ZNF385C: variants seen among roughly 807,000 people sequenced by gnomAD.
ZNF385C encodes CTD-2132N18.2.
ZNF385C carries 28 observed loss-of-function variants against 35.4 expected under a neutral mutation model. The observed-to-expected ratio is 0.79, with a 90% CI of 0.59 to 1.08. The LOEUF (loss-of-function observed/expected upper bound fraction) is 1.08. Ranked by LOEUF, ZNF385C falls within the 50% of genes least tolerant of loss-of-function variation. The pLI is 0.00. For missense variants in ZNF385C, 605 were observed against 595.6 expected (o/e 1.02, Z -0.16); for synonymous variants, 248 against 248.2 (o/e 1.00, Z 0.01).
At chr17:42,094,587 A>G (rs1338026617) in intron 1 of ZNF385C, among the ~76,000 whole-genome samples, 2 of 152,218 alleles carry the variant, frequency 1.3e-5, no homozygotes, top group African/African-American at 2.4e-5. Context: ...AACAAAGGAC[A>G]GGGTCAGGAG....
chr17:42,090,670 G>A (rs939088589), intron 1 of ZNF385C, among the ~76,000 whole-genome samples: 5 of 151,382 alleles, frequency 3.3e-5, no homozygotes, highest in African/African-American at 1.2e-4. Context: ...AGAGGCGGGC[G>A]GATCACGAGG....
At chr17:42,054,256 A>G (rs1248864359) in intron 2 of ZNF385C, among the ~76,000 whole-genome samples, 4 of 152,210 alleles carry the variant, frequency 2.6e-5, no homozygotes, top group African/African-American at 9.6e-5. Flanking sequence ...CCTCCAGGGA[A>G]GGAGGAGCTG....
intron 1 of ZNF385C, among the ~76,000 whole-genome samples, chr17:42,083,707 CTTTT>C (rs59612634): frequency 1.2e-4 from 6 of 49,964 alleles, no homozygotes; most frequent in African/African-American, 5.1e-4. Context: ...CTTTTCAAGT[CTTTT>C]TTTTTTTTTT....
intron 5 of ZNF385C, among the ~76,000 whole-genome samples, chr17:42,030,776 T>A (rs1555654920): frequency 2.6e-5 from 4 of 152,096 alleles, no homozygotes; most frequent in Non-Finnish European, 5.9e-5. Flanking sequence ...TAGTGACTGG[T>A]ACCCTTATAA....
At chr17:42,082,793 C>T (rs185075531) in intron 1 of ZNF385C, among the ~76,000 whole-genome samples, 6 of 152,122 alleles carry the variant, frequency 3.9e-5, no homozygotes, top group Non-Finnish European at 8.8e-5. Context: ...ATTAGCCAGG[C>T]AAGGCCAGGC....
At chr17:42,029,649 G>C (rs1434709460) in intron 5 of ZNF385C, among the ~76,000 whole-genome samples, 1 of 152,122 alleles carries the variant, frequency 6.6e-6, no homozygotes, top group Non-Finnish European at 1.5e-5. Flanking sequence ...GCAAGGTGGA[G>C]GTTACAGTGA....
chr17:42,070,530 G>A (rs1256892848), intron 1 of ZNF385C, among the ~76,000 whole-genome samples: 2 of 152,136 alleles, frequency 1.3e-5, no homozygotes, highest in Admixed American at 6.5e-5. Context: ...GCAAGCGCCT[G>A]TTGTCCCTGG....
At chr17:42,080,370 C>T (rs898174231) in intron 1 of ZNF385C, among the ~76,000 whole-genome samples, 2 of 152,222 alleles carry the variant, frequency 1.3e-5, no homozygotes, top group Admixed American at 1.3e-4. Context: ...ATCTGTAAGT[C>T]TCCCTGACCC....
intron 2 of ZNF385C, chr17:42,043,231 C>A: frequency 3.2e-6 from 4 of 1,232,252 alleles, no homozygotes; most frequent in Non-Finnish European, 4.0e-6. Flanking sequence ...CAGGGCCTGG[C>A]GGCACTCGAG....
intron 2 of ZNF385C, among the ~76,000 whole-genome samples, chr17:42,057,600 C>T (rs924348633): frequency 9.9e-5 from 15 of 151,332 alleles, no homozygotes; most frequent in Non-Finnish European, 1.8e-4. Flanking sequence ...TGCCACACCC[C>T]CATTGGGAGG....
intron 2 of ZNF385C, among the ~76,000 whole-genome samples, chr17:42,052,938 G>A (rs1165002127): frequency 1.3e-5 from 2 of 152,160 alleles, no homozygotes; most frequent in East Asian, 3.8e-4. Context: ...CTCAAATAAT[G>A]ACACTGCCAT....
intron 1 of ZNF385C, among the ~76,000 whole-genome samples, chr17:42,072,696 G>T (rs1283183789): frequency 6.6e-6 from 1 of 151,766 alleles, no homozygotes; most frequent in Non-Finnish European, 1.5e-5. Context: ...CGGGCGGCCC[G>T]ACGGGAGCAG....
chr17:42,028,524 G>A (rs2052650231), intron 6 of ZNF385C: 2 of 585,608 alleles, frequency 3.4e-6, no homozygotes, highest in Admixed American at 3.2e-5. Flanking sequence ...AGAGGCAGAT[G>A]TCTCCTGTCT....
intron 1 of ZNF385C, among the ~76,000 whole-genome samples, chr17:42,092,359 C>T (rs35377154): frequency 3.0e-4 from 46 of 151,940 alleles, no homozygotes; most frequent in East Asian, 1.6e-3. Flanking sequence ...TGAGACTGCA[C>T]CACTGCACTC....
At chr17:42,043,178 C>T in intron 2 of ZNF385C, 1 of 1,232,250 alleles carries the variant, frequency 8.1e-7, no homozygotes, top group Non-Finnish European at 1.0e-6. Context: ...TTGTCTGTGC[C>T]CACAGTGAAG....
intron 3 of ZNF385C, among the ~76,000 whole-genome samples, chr17:42,035,000 G>A (rs1477519541): frequency 1.3e-5 from 2 of 150,104 alleles, no homozygotes; most frequent in Admixed American, 6.7e-5. Context: ...GCACGTGCCT[G>A]TAGTCTCAGC....
At chr17:42,035,139 AG>A (rs1555655316) in intron 3 of ZNF385C, among the ~76,000 whole-genome samples, 12 of 146,390 alleles carry the variant, frequency 8.2e-5, no homozygotes, top group African/African-American at 2.5e-4. Context: ...AAAAAAAAAA[AG>A]AGAAGAGAAA....
intron 2 of ZNF385C, among the ~76,000 whole-genome samples, chr17:42,053,202 G>T (rs1455481834): frequency 2.6e-5 from 4 of 152,110 alleles, no homozygotes; most frequent in Non-Finnish European, 5.9e-5. Context: ...GCCCCCAGTC[G>T]CACTGCCTCC....
rs1032122527 is a variant in ZNF385C, at chr17:42,028,047, C to T, written c.1164+3G>A. On this transcript the variant is annotated splice_donor_region_variant and intron_variant, in intron 7 of 8. Transcript: ENST00000692273. ...ACCCCAGTCACAGCCTCACTTCTCC[C>T]ACCTGCTTCAGTTGGGTCTCTGAAT... 1.2e-6 allele frequency: 2 copies of T among 1,613,900 alleles called. No homozygotes were observed. Among genetic ancestry groups the T allele is most frequent in the African/African-American group, 1.3e-5 (1 of 75,050 alleles).
Sources: allele counts gnomAD v4.1 joint callset (sites outside exome capture counted in the v4.1 genomes callset), GRCh38; gene constraint gnomAD v4.1.1; transcripts MANE v1.5; gene names NCBI Gene and HGNC (gene_info 2026-07-23, HGNC 2026-07-21).